The following PRKG1 variants were observed in gnomAD, a reference collection of about 807,000 sequenced individuals.
The protein encoded by PRKG1 is protein kinase cGMP-dependent 1.
PRKG1 carries 35 observed loss-of-function variants against 88.1 expected under a neutral mutation model. The ratio of observed to expected loss-of-function variants is 0.40; its 90% confidence interval spans 0.30 to 0.53. PRKG1 has a LOEUF of 0.53. Ranked by LOEUF, PRKG1 falls within the 20% of genes least tolerant of loss-of-function variation. The pLI, the probability that PRKG1 is intolerant of heterozygous loss-of-function variation, is 0.59. For missense variants in PRKG1, 540 were observed against 839.8 expected, an observed-to-expected ratio of 0.64 and a Z score of 4.41; for synonymous variants, 303 against 292.5, an observed-to-expected ratio of 1.04 and a Z score of -0.37.
intron 7 of PRKG1, among the ~76,000 whole-genome samples, chr10:52,113,853 A>G (rs1847624616): frequency 6.6e-6 from 1 of 152,146 alleles, no homozygotes; most frequent in African/African-American, 2.4e-5. Context: ...TAAGCTACAA[A>G]TTGTATCTAT....
intron 5 of PRKG1, among the ~76,000 whole-genome samples, chr10:52,044,369 G>A (rs1845817134): frequency 6.6e-6 from 1 of 152,076 alleles, no homozygotes; most frequent in Non-Finnish European, 1.5e-5. Flanking sequence ...CTTAAATGGA[G>A]ATTATACATT....
At chr10:51,896,892 T>C (rs1215725460) in intron 4 of PRKG1, among the ~76,000 whole-genome samples, 1 of 152,160 alleles carries the variant, frequency 6.6e-6, no homozygotes, top group Non-Finnish European at 1.5e-5. Context: ...TAAAGTATTT[T>C]TATGTGAAAA....
intron 7 of PRKG1, among the ~76,000 whole-genome samples, chr10:52,065,448 A>G (rs1249061331): frequency 6.6e-6 from 1 of 152,160 alleles, no homozygotes; most frequent in Non-Finnish European, 1.5e-5. Flanking sequence ...TCTTCAAAGT[A>G]CTTCTAAGAA....
chr10:51,814,497 G>A (rs1223021455), intron 4 of PRKG1, among the ~76,000 whole-genome samples: 5 of 152,042 alleles, frequency 3.3e-5, no homozygotes, highest in African/African-American at 1.2e-4. Context: ...TAAGCTTTGA[G>A]CTTTAATAGA....
At chr10:51,463,585 T>G (rs1392849583) in intron 2 of PRKG1, among the ~76,000 whole-genome samples, 3 of 152,214 alleles carry the variant, frequency 2.0e-5, no homozygotes, top group Non-Finnish European at 4.4e-5. Flanking sequence ...AGGAAGTTGA[T>G]TAGGTGAGAT....
chr10:52,269,873 G>A (rs1841671481), intron 10 of PRKG1, among the ~76,000 whole-genome samples: 1 of 151,852 alleles, frequency 6.6e-6, no homozygotes, highest in Non-Finnish European at 1.5e-5. Context: ...TAAGGCATGT[G>A]GAAGATCCAT....
At chr10:51,079,083 T>G (rs1191832125) in intron 1 of PRKG1, among the ~76,000 whole-genome samples, 2 of 152,186 alleles carry the variant, frequency 1.3e-5, no homozygotes, top group Admixed American at 6.5e-5. Context: ...GGCATAATAT[T>G]AAAACATAGA....
At chr10:51,245,817 C>G (rs958817002) in intron 2 of PRKG1, 4 of 152,070 alleles carry the variant, frequency 2.6e-5, no homozygotes, top group Non-Finnish European at 1.5e-5. Flanking sequence ...GGAAGCATAT[C>G]ATTTTAGTAA....
At chr10:51,539,615 G>A (rs1842250200) in intron 3 of PRKG1, among the ~76,000 whole-genome samples, 1 of 152,096 alleles carries the variant, frequency 6.6e-6, no homozygotes, top group Non-Finnish European at 1.5e-5. Flanking sequence ...ATTATTAAGT[G>A]CACGAATGAA....
chr10:51,354,062 A>G (rs920218501), intron 2 of PRKG1, among the ~76,000 whole-genome samples: 12 of 152,172 alleles, frequency 7.9e-5, no homozygotes, highest in African/African-American at 2.9e-4. Flanking sequence ...TAAACAACAT[A>G]TATTCTCACT....
intron 5 of PRKG1, among the ~76,000 whole-genome samples, chr10:51,998,181 A>G (rs1844500927): frequency 6.6e-6 from 1 of 152,210 alleles, no homozygotes; most frequent in African/African-American, 2.4e-5. Context: ...ATTGGTTAAT[A>G]TAATGAATGG....
At chr10:51,749,321 A>G (rs1375877473) in intron 3 of PRKG1, among the ~76,000 whole-genome samples, 1 of 152,216 alleles carries the variant, frequency 6.6e-6, no homozygotes, top group Non-Finnish European at 1.5e-5. Context: ...ATTTTCTTAC[A>G]GTTCTGAAGC....
intron 5 of PRKG1, among the ~76,000 whole-genome samples, chr10:51,973,480 C>T (rs1270324183): frequency 6.6e-6 from 1 of 152,150 alleles, no homozygotes; most frequent in Non-Finnish European, 1.5e-5. Context: ...GCCACCTCAA[C>T]AGTTTCTCTT....
chr10:52,147,376 T>A (rs1274238015), intron 8 of PRKG1, among the ~76,000 whole-genome samples: 1 of 152,214 alleles, frequency 6.6e-6, no homozygotes, highest in Admixed American at 6.5e-5. Flanking sequence ...CCAAATATGA[T>A]GTTTTTGTTT....
At chr10:51,781,707 T>C (rs1019359286) in intron 3 of PRKG1, among the ~76,000 whole-genome samples, 1 of 152,132 alleles carries the variant, frequency 6.6e-6, no homozygotes, top group East Asian at 1.9e-4. Context: ...TTCTGTCCAC[T>C]GGAGAGGGGC....
intron 5 of PRKG1, among the ~76,000 whole-genome samples, chr10:51,969,201 T>C (rs1218297652): frequency 6.6e-6 from 1 of 152,180 alleles, no homozygotes; most frequent in African/African-American, 2.4e-5. Context: ...CTAGACAATT[T>C]TTCAGTAGCA....
rs148770180 is a variant in PRKG1, at chr10:51,843,772, A to G, written c.698+39082A>G. 1.3e-4 allele frequency among the ~76,000 whole-genome samples: 20 copies of G among 152,310 alleles called. No homozygotes were observed. The East Asian group carries it at 3.7e-3, about 28-fold the overall frequency. On this transcript the variant is annotated intron_variant, in intron 4 of 17. Transcript: ENST00000373980. ...GAATTATTTCCTTTTACAGAGAAATATTAAATTTGAAACAAAATTATAGTG... is the reference window on the plus strand; with the variant it reads ...GAATTATTTCCTTTTACAGAGAAATGTTAAATTTGAAACAAAATTATAGTG...
intron 3 of PRKG1, among the ~76,000 whole-genome samples, chr10:51,798,022 A>G (rs1157425243): frequency 2.6e-5 from 4 of 152,186 alleles, no homozygotes; most frequent in South Asian, 2.1e-4. Context: ...GTATGTATAC[A>G]CCACATTTTG....
At chr10:51,228,242 T>G (rs939792114) in intron 2 of PRKG1, among the ~76,000 whole-genome samples, 4 of 152,184 alleles carry the variant, frequency 2.6e-5, no homozygotes, top group African/African-American at 9.7e-5. Context: ...GTGTCTGCCC[T>G]TTGGAAACTT....
Sources: allele counts gnomAD v4.1 joint callset (sites outside exome capture counted in the v4.1 genomes callset), GRCh38; gene constraint gnomAD v4.1.1; transcripts MANE v1.5; gene names NCBI Gene and HGNC (gene_info 2026-07-23, HGNC 2026-07-21).